Variants in BIRC6 observed in about 807,000 individuals in gnomAD.
The protein encoded by BIRC6 is dual E2 ubiquitin-conjugating enzyme/E3 ubiquitin-protein ligase BIRC6.
Under a neutral mutation model 503.3 loss-of-function variants are expected in BIRC6, and 98 were observed. That is an observed-to-expected ratio of 0.19 (90% CI 0.17 to 0.23). The LOEUF (loss-of-function observed/expected upper bound fraction) is 0.23, where lower values mean the gene tolerates loss of function less well. Ranked by LOEUF, BIRC6 falls within the 10% of genes least tolerant of loss-of-function variation. BIRC6 has a pLI of 1.00. For synonymous variants in BIRC6, 2,240 were observed against 2,078.7 expected, an observed-to-expected ratio of 1.08 and a Z score of -2.11; for missense variants, 5,360 against 5,806.0, an observed-to-expected ratio of 0.92 and a Z score of 2.50.
chr2:32,556,957 A>AAG (rs2058828415), intron 65 of BIRC6, among the ~76,000 whole-genome samples: 1 of 151,704 alleles, frequency 6.6e-6, no homozygotes, highest in African/African-American at 2.4e-5. Context: ...AAAAGAAAGA[A>AAG]AGAGTTACTC....
At chr2:32,588,336 C>T (rs1488692219) in intron 66 of BIRC6, among the ~76,000 whole-genome samples, 4 of 152,140 alleles carry the variant, frequency 2.6e-5, no homozygotes, top group Non-Finnish European at 4.4e-5. Context: ...GCCTGGACAA[C>T]AAGAGTGAAA....
Position 32,514,698 on chromosome 2 carries a change from C to T in BIRC6, c.10569-292C>T, listed in dbSNP as rs1263984398. 2.6e-5 allele frequency among the ~76,000 whole-genome samples: 4 copies of T among 152,078 alleles called. No homozygotes were observed. The East Asian group carries it at 7.7e-4, about 29-fold the overall frequency. On this transcript the variant is annotated intron_variant, in intron 54 of 73. Coordinates refer to ENST00000421745, the MANE Select transcript of BIRC6 (RefSeq NM_016252.4). ...TTGTTTGTTTGTTTCTCTACATGAC[C>T]TTTTCAGGTCACACAGAATGATAGA...
At chr2:32,390,836 CTT>C (rs2039133676) in intron 4 of BIRC6, among the ~76,000 whole-genome samples, 1 of 152,106 alleles carries the variant, frequency 6.6e-6, no homozygotes, top group Non-Finnish European at 1.5e-5. Context: ...CACTTACCCT[CTT>C]TTTGTTAGTT....
chr2:32,429,269 C>T lies in BIRC6; in HGVS notation c.2996C>T (p.Ser999Leu). 6.5e-7 allele frequency: 1 copy of T among 1,527,378 alleles called. No individual in the cohort carries two copies. Among genetic ancestry groups the T allele is most frequent in the East Asian group, 2.5e-5 (1 of 40,528 alleles). The allele number at this position is 1,527,378 out of a possible 1,614,324, so 94.6% of individuals were successfully genotyped here. The stretch of plus-strand genomic sequence containing the variant: ...TCTTCAGAAGGTTCCAAACCTTTAT[C>T]AAATCCTTCAAGTCCTGGCATTTCA... ...EPSSEGSKPL[S>L]NPSSPGISGV... Residue 999 changes from serine (S) to leucine (L), a missense_variant, in exon 11 of 74, where the codon TCA becomes TTA. Coordinates refer to ENST00000421745, the MANE Select transcript of BIRC6 (RefSeq NM_016252.4).
intron 1 of BIRC6, among the ~76,000 whole-genome samples, chr2:32,360,464 C>T (rs1382615303): frequency 1.3e-5 from 2 of 152,186 alleles, no homozygotes; most frequent in Non-Finnish European, 2.9e-5. Context: ...GCTGCGTGAT[C>T]TGGCTTTTAC....
chr2:32,598,152 G>T, intron 69 of BIRC6, among the ~76,000 whole-genome samples, 184 bp downstream of exon 69: 1 of 127,452 alleles, frequency 7.8e-6, no homozygotes, highest in Non-Finnish European at 1.6e-5. Context: ...TTTTTTTGGC[G>T]ACAGGATCTC....
At position 32,599,765 on chromosome 2, in the gene BIRC6, C is replaced by T; in HGVS notation, c.13857C>T (p.Thr4619=). 1 of 1,613,758 alleles carries T rather than the reference C, an allele frequency of 6.2e-7. No homozygotes were observed. The highest frequency in any genetic ancestry group is 8.5e-7 in the Non-Finnish European group (1 of 1,179,756). The part of the protein sequence containing the change: ...MKVLITGPAD[T]PYANGCFEFD... ...TTCTAATAACTGGTCCAGCGGACAC[C>T]CCTTATGCAAATGGCTGCTTTGAGT... The change falls in exon 70 of 74, where the codon ACC becomes ACT. Residue 4619 remains threonine (T), a synonymous_variant. Coordinates refer to ENST00000421745, the MANE Select transcript of BIRC6 (RefSeq NM_016252.4).
At chr2:32,493,295 C>A (rs2051987518) in intron 44 of BIRC6, among the ~76,000 whole-genome samples, 1 of 151,836 alleles carries the variant, frequency 6.6e-6, no homozygotes. Flanking sequence ...GTTCAATAAA[C>A]CTAATATAGT....
At chr2:32,367,242 C>A (rs908652241) in intron 1 of BIRC6, among the ~76,000 whole-genome samples, 2 of 151,768 alleles carry the variant, frequency 1.3e-5, no homozygotes, top group Admixed American at 6.6e-5. Context: ...GTGGGTGGGT[C>A]ACCTGAGGTA....
chr2:32,448,658 G>GGGGAGAGGGGAGAGGGGAGAGGGGAGA, intron 21 of BIRC6, 137 bp from the exon 22 acceptor site: 1 of 595,534 alleles, frequency 1.7e-6, no homozygotes, highest in African/African-American at 1.9e-5. Context: ...ACCGTGGAGA[G>GGGGAGAGGGGAGAGGGGAGAGGGGAGA]GGGAGAGGGG....
chr2:32,454,018 TTATTTC>T (rs1354737334), intron 23 of BIRC6, 76 bp downstream of exon 23: 69 of 1,164,302 alleles, frequency 5.9e-5, no homozygotes, highest in Non-Finnish European at 7.9e-5. Flanking sequence ...TATTTAAACA[TTATTTC>T]TAATTATGTA....
chr2:32,482,709 G>T, intron 39 of BIRC6, 127 bp downstream of exon 39: 2 of 941,282 alleles, frequency 2.1e-6, no homozygotes, highest in Non-Finnish European at 3.2e-6. Context: ...CAGCTGTGCC[G>T]TGAGTACCAT....
At chr2:32,529,393 T>C (rs2056551270) in intron 59 of BIRC6, 1 of 334,642 alleles carries the variant, frequency 3.0e-6, no homozygotes, top group Non-Finnish European at 5.4e-6. Flanking sequence ...CACATCAGAT[T>C]TATGGAAATG....
At chr2:32,575,452 A>ATG in intron 66 of BIRC6, 86 bp downstream of exon 66, 16 of 1,309,300 alleles carry the variant, frequency 1.2e-5, no homozygotes, top group Non-Finnish European at 1.5e-5. Context: ...TTTTTCAGTG[A>ATG]TATGTGCTTT....
chr2:32,580,892 A>G (rs1184863320), intron 66 of BIRC6, among the ~76,000 whole-genome samples: 4 of 152,168 alleles, frequency 2.6e-5, no homozygotes, highest in Non-Finnish European at 5.9e-5. Context: ...TTAAAAAGCA[A>G]TCTGTGTTCA....
At chr2:32,608,513 C>G (rs1303227324) in intron 72 of BIRC6, among the ~76,000 whole-genome samples, 1 of 152,120 alleles carries the variant, frequency 6.6e-6, no homozygotes, top group Non-Finnish European at 1.5e-5. Flanking sequence ...CTCCCAAGTT[C>G]AAGCTATTCT....
Position 32,510,528 on chromosome 2 carries a change from T to C in BIRC6, c.10240T>C (p.Leu3414=), listed in dbSNP as rs1327930223. 3 of 1,563,882 alleles carry C rather than the reference T, an allele frequency of 1.9e-6. No homozygotes were observed. The highest frequency in any genetic ancestry group is 2.6e-6 in the Non-Finnish European group (3 of 1,138,756). ...TTCTTTGGATTCTTTGTTGCAAGAT[T>C]TGAATAGTCCTTTACTTTTTGGAAG... The part of the protein sequence containing the change: ...CAASGSDPTD[L]NSPLLFGRLN... The change falls in exon 53 of 74, where the codon TTG becomes CTG. Residue 3414 remains leucine (L), a splice_region_variant and synonymous_variant. Coordinates refer to ENST00000421745, the MANE Select transcript of BIRC6 (RefSeq NM_016252.4).
intron 3 of BIRC6, among the ~76,000 whole-genome samples, chr2:32,385,161 T>C (rs560856012): frequency 3.9e-5 from 6 of 152,248 alleles, no homozygotes; most frequent in Admixed American, 6.5e-5. Context: ...TCTGTAGCCA[T>C]CCACTTCGGG....
In BIRC6 at chr2:32,467,733, C is replaced by T. The variant is rs2048706694; in HGVS notation, c.5565C>T (p.Phe1855=). 1 of 1,611,952 alleles carries T rather than the reference C, an allele frequency of 6.2e-7. No homozygotes were observed. Among genetic ancestry groups the T allele is most frequent in the South Asian group, 1.1e-5 (1 of 90,712 alleles). The change falls in exon 27 of 74, where the codon TTC becomes TTT. Residue 1855 remains phenylalanine (F), a synonymous_variant. Coordinates refer to ENST00000421745, the MANE Select transcript of BIRC6 (RefSeq NM_016252.4). The part of the protein sequence containing the change: ...HDLIPPPVCR[F]MKITVIGRYG... ...TAATACCACCTCCCGTGTGCAGATT[C>T]ATGAAGGTAAAGAACTTTAAGAAAG...
Sources: gnomAD v4.1 joint callset for allele counts (sites outside exome capture counted in the v4.1 genomes callset) on GRCh38, gnomAD v4.1.1 for gene constraint, MANE v1.5 for transcripts, NCBI Gene and HGNC (gene_info 2026-07-23, HGNC 2026-07-21) for gene names.